PPFIA2: variants seen among roughly 807,000 people sequenced by gnomAD.
The protein encoded by PPFIA2 is liprin-alpha-2.
A neutral mutation model predicts 175.5 loss-of-function variants in PPFIA2; 46 were observed. The observed-to-expected ratio is 0.26, with a 90% CI of 0.21 to 0.34. PPFIA2 has a LOEUF of 0.34. PPFIA2 is among the 10% of genes least tolerant of loss of function. PPFIA2 has a pLI of 1.00. For synonymous variants in PPFIA2, 568 were observed against 511.4 expected, an observed-to-expected ratio of 1.11 and a Z score of -1.49; for missense variants, 1,179 against 1,506.1, an observed-to-expected ratio of 0.78 and a Z score of 3.60.
intron 28 of PPFIA2, among the ~76,000 whole-genome samples, chr12:81,275,782 T>C (rs1043095597): frequency 1.8e-4 from 27 of 151,004 alleles, no homozygotes; most frequent in African/African-American, 2.9e-4. Flanking sequence ...TTTTCTTCTT[T>C]TTTTTTTTTT....
chr12:81,606,248 C>A (rs2060303496), intron 4 of PPFIA2, among the ~76,000 whole-genome samples: 1 of 152,030 alleles, frequency 6.6e-6, no homozygotes, highest in Admixed American at 6.6e-5. Context: ...GATTCCATGT[C>A]TTTGCCATTG....
At chr12:81,572,855 C>T (rs578193907) in intron 4 of PPFIA2, among the ~76,000 whole-genome samples, 8 of 151,800 alleles carry the variant, frequency 5.3e-5, no homozygotes, top group East Asian at 3.9e-4. Context: ...TCAGAAAATA[C>T]GCATACAAAG....
intron 7 of PPFIA2, among the ~76,000 whole-genome samples, chr12:81,414,957 G>A (rs1566725179): frequency 6.6e-6 from 1 of 150,378 alleles, no homozygotes; most frequent in Non-Finnish European, 1.5e-5. Flanking sequence ...TTGGAAATAA[G>A]ATTTATAAGC....
intron 5 of PPFIA2, among the ~76,000 whole-genome samples, chr12:81,450,756 T>A (rs1184700352): frequency 6.6e-6 from 1 of 152,124 alleles, no homozygotes; most frequent in Non-Finnish European, 1.5e-5. Context: ...TCTTCTAGGG[T>A]TTTTATGGTT....
intron 3 of PPFIA2, among the ~76,000 whole-genome samples, chr12:81,730,825 T>C (rs1315956197): frequency 6.6e-6 from 1 of 151,546 alleles, no homozygotes; most frequent in East Asian, 2.0e-4. Context: ...TGAGTTAATC[T>C]AACTACAGGG....
chr12:81,345,164 G>C (rs2058835194), intron 18 of PPFIA2, among the ~76,000 whole-genome samples: 1 of 151,966 alleles, frequency 6.6e-6, no homozygotes, highest in Non-Finnish European at 1.5e-5. Flanking sequence ...GTTCCTGTGG[G>C]ATCTCAAAAT....
intron 4 of PPFIA2, among the ~76,000 whole-genome samples, chr12:81,479,358 G>C (rs759867825): frequency 1.3e-5 from 2 of 152,132 alleles, no homozygotes; most frequent in Non-Finnish European, 2.9e-5. Context: ...ACAGCACACC[G>C]ATAGGTCTTG....
At chr12:81,450,200 T>C (rs1392735446) in intron 5 of PPFIA2, among the ~76,000 whole-genome samples, 2 of 152,192 alleles carry the variant, frequency 1.3e-5, no homozygotes, top group Admixed American at 1.3e-4. Flanking sequence ...TTCTAGATCC[T>C]TGAGGAATTG....
chr12:81,609,588 T>C (rs1198856826), intron 4 of PPFIA2, among the ~76,000 whole-genome samples: 1 of 152,192 alleles, frequency 6.6e-6, no homozygotes, highest in Non-Finnish European at 1.5e-5. Context: ...GATATAGAAA[T>C]AGGGACGCTT....
intron 22 of PPFIA2, among the ~76,000 whole-genome samples, chr12:81,315,996 G>T (rs1279762546): frequency 6.6e-6 from 1 of 151,540 alleles, no homozygotes; most frequent in Non-Finnish European, 1.5e-5. Context: ...TTAATCATCT[G>T]CCTAGCAAAC....
intron 27 of PPFIA2, among the ~76,000 whole-genome samples, chr12:81,279,017 G>C (rs117504902): frequency 6.6e-6 from 1 of 152,142 alleles, no homozygotes; most frequent in Non-Finnish European, 1.5e-5. Flanking sequence ...TAAAATTTAC[G>C]TGTGGAAGCG....
intron 27 of PPFIA2, among the ~76,000 whole-genome samples, chr12:81,278,624 T>TA (rs2041236634): frequency 6.6e-6 from 1 of 150,478 alleles, no homozygotes; most frequent in Non-Finnish European, 1.5e-5. Context: ...TCAGAGAAGA[T>TA]AGAGAAATCA....
At chr12:81,637,369 G>A (rs2064244320) in intron 4 of PPFIA2, among the ~76,000 whole-genome samples, 1 of 144,274 alleles carries the variant, frequency 6.9e-6, no homozygotes, top group Non-Finnish European at 1.5e-5. Flanking sequence ...CTCCCAAACT[G>A]CTGAGATTAC....
At chr12:81,740,414 A>G (rs952948745) in intron 3 of PPFIA2, among the ~76,000 whole-genome samples, 5 of 152,186 alleles carry the variant, frequency 3.3e-5, no homozygotes, top group Admixed American at 6.5e-5. Flanking sequence ...CAGAGATACT[A>G]TTTTGTAAAC....
intron 4 of PPFIA2, among the ~76,000 whole-genome samples, chr12:81,644,608 T>TG (rs1283156427): frequency 6.6e-6 from 1 of 152,112 alleles, no homozygotes; most frequent in Non-Finnish European, 1.5e-5. Context: ...GTGCTTTCTT[T>TG]CTATACTAAT....
intron 4 of PPFIA2, among the ~76,000 whole-genome samples, chr12:81,570,452 A>G (rs1042912568): frequency 2.0e-5 from 3 of 152,082 alleles, no homozygotes; most frequent in African/African-American, 7.2e-5. Flanking sequence ...GGGCGAGGTG[A>G]TGAGAGTTGG....
At position 81,294,968 on chromosome 12, in the gene PPFIA2, A is replaced by G; in HGVS notation, c.2792T>C (p.Met931Thr). The change falls in exon 24 of 33, where the codon ATG becomes ACG. Residue 931 changes from methionine to threonine, a missense_variant. By Grantham distance (81) the Met-to-Thr change is moderately conservative. Around this residue, in one of 10 missense-constraint regions of PPFIA2, gnomAD observed 44 missense variants for 81.3 expected, o/e 0.54. Coordinates refer to ENST00000549396, the MANE Select transcript of PPFIA2 (RefSeq NM_003625.5). ...GATCTCAGTGTCAGATAAAGCAGACATGATGGCACCACTCTTCACGTTGGC... is the reference window on the plus strand; with the variant it reads ...GATCTCAGTGTCAGATAAAGCAGACGTGATGGCACCACTCTTCACGTTGGC... ...CRANVKSGAIMSALSDTEIQR... is the reference protein window; with the variant it reads ...CRANVKSGAITSALSDTEIQR... 1 of 1,613,842 alleles carries G rather than the reference A, an allele frequency of 6.2e-7. No individual in the cohort carries two copies. The highest frequency in any genetic ancestry group is 8.5e-7 in the Non-Finnish European group (1 of 1,179,814).
At chr12:81,674,941 A>C (rs2072190326) in intron 4 of PPFIA2, among the ~76,000 whole-genome samples, 1 of 152,000 alleles carries the variant, frequency 6.6e-6, no homozygotes, top group Non-Finnish European at 1.5e-5. Context: ...GGGAGACACT[A>C]AATTAATGTG....
chr12:81,450,601 C>G (rs2052362183), intron 5 of PPFIA2, among the ~76,000 whole-genome samples: 1 of 152,126 alleles, frequency 6.6e-6, no homozygotes, highest in Non-Finnish European at 1.5e-5. Flanking sequence ...CCTGTTCACT[C>G]TGATGGTATT....
Sources: allele counts gnomAD v4.1 joint callset (sites outside exome capture counted in the v4.1 genomes callset), GRCh38; gene constraint gnomAD v4.1.1; regional missense constraint gnomAD v4.1.1; transcripts MANE v1.5; gene names NCBI Gene and HGNC (gene_info 2026-07-23, HGNC 2026-07-21).